LRRIQ4: variants seen among roughly 807,000 people sequenced by gnomAD.
LRRIQ4 encodes the protein leucine-rich repeat and IQ domain-containing protein 4.
A neutral mutation model predicts 40.1 loss-of-function variants in LRRIQ4; 21 were observed. The observed-to-expected ratio is 0.52, with a 90% CI of 0.37 to 0.75. The LOEUF is 0.75. Among genes scored for constraint, LRRIQ4 ranks in the 30% least tolerant of loss-of-function variants. The pLI is 0.00. For synonymous variants in LRRIQ4, 277 were observed against 277.1 expected, an observed-to-expected ratio of 1.00 and a Z score of 0.00; for missense variants, 655 against 660.0, an observed-to-expected ratio of 0.99 and a Z score of 0.08.
chr3:169,826,959 T>A (rs1780053109), intron 2 of LRRIQ4, among the ~76,000 whole-genome samples: 1 of 152,216 alleles, frequency 6.6e-6, no homozygotes, highest in Non-Finnish European at 1.5e-5. Context: ...TCCAAGTATG[T>A]GAAACTTTTA....
At chr3:169,817,612 G>A (rs116748551) in intron 1 of LRRIQ4, among the ~76,000 whole-genome samples, 5,480 of 152,216 alleles carry the variant, frequency 0.036, 111 homozygotes, top group Middle Eastern at 0.054. Context: ...AGGTGATCCA[G>A]TGTTGGGTGC....
At chr3:169,820,702 C>T (rs1248777963) in intron 1 of LRRIQ4, among the ~76,000 whole-genome samples, 1 of 152,154 alleles carries the variant, frequency 6.6e-6, no homozygotes. Flanking sequence ...TTATCAGAGA[C>T]TTTAATTTGT....
chr3:169,824,071 T>G (rs951613650), intron 2 of LRRIQ4, among the ~76,000 whole-genome samples: 1 of 152,192 alleles, frequency 6.6e-6, no homozygotes, highest in Non-Finnish European at 1.5e-5. Context: ...AAACTATATA[T>G]ATACACACAT....
chr3:169,822,354 G>A lies in LRRIQ4; in HGVS notation c.433G>A (p.Glu145Lys). 1.2e-6 allele frequency: 2 copies of A among 1,613,532 alleles called. No individual in the cohort carries two copies. The highest frequency in any genetic ancestry group is 8.5e-7 in the Non-Finnish European group (1 of 1,179,688). The stretch of plus-strand genomic sequence containing the variant: ...CATCTTTAAAAACCTCCACCATCTC[G>A]AGCTGCTCGGACTGACCGGAAACCA... ...VVIFKNLHHLELLGLTGNHLK... is the reference protein window; with the variant it reads ...VVIFKNLHHLKLLGLTGNHLK... Residue 145 changes from glutamate (E) to lysine (K), a missense_variant, in exon 2 of 6, where the codon GAG (glutamate) becomes AAG (lysine). Coordinates refer to ENST00000340806, the MANE Select transcript of LRRIQ4 (RefSeq NM_001080460.3).
rs71634445 is a variant in LRRIQ4 at position 169,831,984 on chromosome 3, TAA to T, written c.1334-993_1334-992del. Among the ~76,000 whole-genome samples, 10 of 142,284 alleles carry T rather than the reference TAA, an allele frequency of 7.0e-5. No homozygotes were observed. The East Asian group carries it at 1.6e-3, about 23-fold the overall frequency. 93.3% of individuals were successfully genotyped at this position (142,284 alleles called of 152,430 possible). A position where few individuals can be genotyped will look rare whatever the true frequency, so the allele number is the denominator to read the frequency against. ...CCGTTTTAATAAAAGTTAAAAAATT[TAA>T]AAAAAAAAAGAAAAAAAAAATGGAG... On this transcript the variant is annotated intron_variant, in intron 4 of 5. Transcript: ENST00000340806.
intron 5 of LRRIQ4, among the ~76,000 whole-genome samples, chr3:169,836,281 C>T (rs562063036): frequency 6.6e-5 from 10 of 151,976 alleles, no homozygotes; most frequent in African/African-American, 2.4e-4. Context: ...CAGAGTAGGC[C>T]TCACTGAAAA....
chr3:169,834,738 T>G (rs1166299323), intron 5 of LRRIQ4, among the ~76,000 whole-genome samples: 2 of 152,148 alleles, frequency 1.3e-5, no homozygotes, highest in Non-Finnish European at 2.9e-5. Flanking sequence ...CATTCTACTT[T>G]CCCCTCAAAA....
Position 169,822,349 on chromosome 3 carries a change from A to C in LRRIQ4, c.428A>C (p.His143Pro). ...IPVVIFKNLH[H>P]LELLGLTGNH... The stretch of plus-strand genomic sequence containing the variant: ...GTCGTCATCTTTAAAAACCTCCACC[A>C]TCTCGAGCTGCTCGGACTGACCGGA... The change falls in exon 2 of 6, where the codon CAT (histidine) becomes CCT (proline). Residue 143 changes from histidine (H) to proline (P), a missense_variant. By Grantham distance (77) the His-to-Pro change is moderately conservative (BLOSUM62 -2). Transcript: ENST00000340806. 1 of 1,613,698 alleles carries C rather than the reference A, an allele frequency of 6.2e-7. No homozygotes were observed. The highest frequency in any genetic ancestry group is 8.5e-7 in the Non-Finnish European group (1 of 1,179,756).
intron 3 of LRRIQ4, 32 bp downstream of exon 3, chr3:169,828,964 C>T (rs1338666382): frequency 1.8e-5 from 28 of 1,570,266 alleles, no homozygotes; most frequent in Non-Finnish European, 2.1e-5. Flanking sequence ...GGCTAAGAAG[C>T]ACCTGTCACT....
Position 169,832,970 on chromosome 3 carries a change from C to CA in LRRIQ4, c.1334-17_1334-16insA, listed in dbSNP as rs767526118. 11 of 1,604,726 alleles carry CA rather than the reference C, an allele frequency of 6.9e-6. No individual in the cohort carries two copies. The Admixed American group carries it at 1.0e-4, about 15-fold the overall frequency. On this transcript the variant is annotated splice_polypyrimidine_tract_variant and intron_variant, in intron 4 of 5. Transcript: ENST00000340806. ...TTCTTCTAAGATTGAACCACCATTA[C>CA]GAAAAAATCTTTTCAGCTTTGAAAG...
Position 169,828,853 on chromosome 3 carries a change from C to T in LRRIQ4, c.1115C>T (p.Ala372Val), listed in dbSNP as rs1385190319. The change falls in exon 3 of 6, where the codon GCG (alanine) becomes GTG (valine). Residue 372 changes from alanine to valine, a missense_variant. By Grantham distance (64) the Ala-to-Val change is moderately conservative. Transcript: ENST00000340806. ...LSFPEEVLSL[A>V]SLEKLYIGQD... ...TTTCCGGAGGAAGTCCTTTCTTTAG[C>T]GTCTTTAGAGAAATTATACATTGGG... The T allele has an allele frequency of 1.2e-6, 2 of 1,613,644 alleles. No individual in the cohort carries two copies. The highest frequency in any genetic ancestry group is 1.3e-5 in the African/African-American group (1 of 74,884).
At chr3:169,826,285 G>A (rs1000953311) in intron 2 of LRRIQ4, among the ~76,000 whole-genome samples, 12 of 151,802 alleles carry the variant, frequency 7.9e-5, no homozygotes, top group African/African-American at 1.9e-4. Context: ...CCAGCTACTC[G>A]GGAGGTTGAG....
chr3:169,836,081 C>T (rs904024049), intron 5 of LRRIQ4, among the ~76,000 whole-genome samples: 3 of 151,532 alleles, frequency 2.0e-5, no homozygotes, highest in Non-Finnish European at 2.9e-5. Context: ...GTGAACAAAA[C>T]AAATATTTAT....
At chr3:169,835,282 C>A (rs146546514) in intron 5 of LRRIQ4, among the ~76,000 whole-genome samples, 2,319 of 152,150 alleles carry the variant, frequency 0.015, 31 homozygotes, top group Middle Eastern at 0.037. Flanking sequence ...TTAGAAACCA[C>A]CTGTCTTGCA....
intron 4 of LRRIQ4, 63 bp from the exon 5 acceptor site, chr3:169,832,924 T>C: frequency 1.4e-6 from 2 of 1,420,890 alleles, no homozygotes; most frequent in Non-Finnish European, 1.9e-6. Flanking sequence ...TGGACAGGAT[T>C]AGGTGACAAG....
chr3:169,831,603 A>G (rs1417204453), intron 4 of LRRIQ4, among the ~76,000 whole-genome samples: 3 of 148,412 alleles, frequency 2.0e-5, no homozygotes, highest in Non-Finnish European at 3.0e-5. Context: ...TGCCTGGCCC[A>G]AACTATAGTT....
At chr3:169,817,748 C>T (rs868497629) in intron 1 of LRRIQ4, among the ~76,000 whole-genome samples, 1 of 152,082 alleles carries the variant, frequency 6.6e-6, no homozygotes, top group Non-Finnish European at 1.5e-5. Context: ...TGTATAGCTA[C>T]TCCTGCTCTT....
At chr3:169,823,677 C>T (rs1012588318) in intron 2 of LRRIQ4, among the ~76,000 whole-genome samples, 2 of 152,152 alleles carry the variant, frequency 1.3e-5, no homozygotes, top group African/African-American at 4.8e-5. Flanking sequence ...AGACAATCTC[C>T]TGACAGAGTT....
At position 169,828,791 on chromosome 3, in the gene LRRIQ4, G is replaced by A; in HGVS notation, c.1053G>A (p.Leu351=). 6.2e-7 allele frequency: 1 copy of A among 1,613,150 alleles called. No homozygotes were observed. The highest frequency in any genetic ancestry group is 8.5e-7 in the Non-Finnish European group (1 of 1,179,738). ...LPSELGSLSK[L]KILGLTGNEF... ...CAGAATTGGGCTCACTTTCAAAACT[G>A]AAGATACTTGGACTAACAGGAAATG... is the stretch of plus-strand genomic sequence containing the variant. Residue 351 remains leucine (L), a synonymous_variant, in exon 3 of 6, where the codon CTG becomes CTA. Coordinates refer to ENST00000340806, the MANE Select transcript of LRRIQ4 (RefSeq NM_001080460.3).
Sources: allele counts gnomAD v4.1 joint callset (sites outside exome capture counted in the v4.1 genomes callset), GRCh38; gene constraint gnomAD v4.1.1; transcripts MANE v1.5; gene names NCBI Gene and HGNC (gene_info 2026-07-23, HGNC 2026-07-21).